The following ZSCAN29 variants were observed in gnomAD, a reference collection of about 807,000 sequenced individuals.
ZSCAN29 encodes the protein zinc finger and SCAN domain-containing protein 29.
A neutral mutation model predicts 71.9 loss-of-function variants in ZSCAN29; 55 were observed. That is an observed-to-expected ratio of 0.76 (90% CI 0.62 to 0.96). The LOEUF (loss-of-function observed/expected upper bound fraction) is 0.96, where lower values mean the gene tolerates loss of function less well. ZSCAN29 is among the 40% of genes least tolerant of loss of function. The probability of loss-of-function intolerance (pLI) is 0.00; values close to 1 mark genes in which losing one functional copy is unlikely to be tolerated. For missense variants in ZSCAN29, 1,042 were observed against 1,042.2 expected, an observed-to-expected ratio of 1.00 and a Z score of 0.00; for synonymous variants, 351 against 371.6, an observed-to-expected ratio of 0.94 and a Z score of 0.64.
chr15:43,369,561 A>C (rs2044077009), intron 2 of ZSCAN29, 35 bp downstream of exon 2: 1 of 1,588,438 alleles, frequency 6.3e-7, no homozygotes, highest in Non-Finnish European at 8.6e-7. Context: ...ACCCAGTATC[A>C]CACTTTTGAA....
intron 1 of ZSCAN29, 156 bp from the exon 2 acceptor site, chr15:43,370,181 T>G (rs2044088019): frequency 4.8e-6 from 2 of 415,652 alleles, no homozygotes; most frequent in South Asian, 3.4e-5. Context: ...TCTGGTTGAC[T>G]TCCAGGGCAG....
At chr15:43,364,535 CAGTAT>C (rs1566882975) in intron 4 of ZSCAN29, 153 bp from the exon 5 acceptor site, 1 of 761,812 alleles carries the variant, frequency 1.3e-6, no homozygotes, top group Admixed American at 2.0e-5. Context: ...TCCACAAACT[CAGTAT>C]AGAATGTTTT....
chr15:43,361,371 C>T lies in ZSCAN29; in HGVS notation c.2261G>A (p.Arg754Lys), dbSNP rs2043977261. 6.2e-7 allele frequency: 1 copy of T among 1,614,008 alleles called. No homozygotes were observed. The change falls in exon 6 of 6, where the codon AGA becomes AAA. Residue 754 changes from arginine to lysine, a missense_variant. Coordinates refer to ENST00000684362, the MANE Select transcript of ZSCAN29 (RefSeq NM_001372080.1). ...ATAGGGCTTTTCTCCTGTGTGGGTT[C>T]TCTGGTGAATGATAAGGCTTGAGCT... Reference protein sequence around the residue: ...NQSSSLIIHQRTHTGEKPYQC... With the variant: ...NQSSSLIIHQKTHTGEKPYQC...
rs778677754 is a variant in ZSCAN29 at position 43,366,404 on chromosome 15, G to T, written c.928C>A (p.Arg310=). The T allele has an allele frequency of 6.2e-7, 1 of 1,613,988 alleles. No individual in the cohort carries two copies. The highest frequency in any genetic ancestry group is 1.3e-5 in the African/African-American group (1 of 74,902). ...GGTGGGTGGCCGCTCTTGACTTTCC[G>T]ATAGCTCTTCTGGAGACCTTTGAAC... ...TKFKGLQKSY[R]KVKSGHPPET... is the part of the protein sequence containing the mutation. Residue 310 remains arginine, a synonymous_variant, in exon 4 of 6, where the codon CGG becomes AGG. Coordinates refer to ENST00000684362, the MANE Select transcript of ZSCAN29 (RefSeq NM_001372080.1).
intron 5 of ZSCAN29, among the ~76,000 whole-genome samples, chr15:43,362,656 T>C (rs1483847393): frequency 1.3e-5 from 2 of 152,216 alleles, no homozygotes; most frequent in African/African-American, 4.8e-5. Flanking sequence ...GAGACAGTAT[T>C]TCTACCCAGA....
Position 43,370,969 on chromosome 15 carries a change from ACCCTGACCCCGG to A in ZSCAN29, c.-536_-525del, listed in dbSNP as rs2044102193. On this transcript the variant is annotated 5_prime_UTR_variant, in exon 1 of 6. Transcript: ENST00000684362. ...GCCAGCCTCACCCACTCGGGGTCCG[ACCCTGACCCCGG>A]CCCCGGCCCCGGCCCCGGCCCCGGC... The A allele has an allele frequency of 6.5e-6, 1 of 153,778 alleles. No homozygotes were observed. Among genetic ancestry groups the A allele is most frequent in the Admixed American group, 9.8e-5 (1 of 10,172 alleles). The allele number at this position is 153,778 out of a possible 1,614,324, so 9.5% of individuals were successfully genotyped here. A position where few individuals can be genotyped will look rare whatever the true frequency, so the allele number is the denominator to read the frequency against.
At chr15:43,368,837 T>C in intron 3 of ZSCAN29, 86 bp downstream of exon 3, 1 of 1,277,846 alleles carries the variant, frequency 7.8e-7, no homozygotes, top group South Asian at 1.6e-5. Context: ...CACTTACTCC[T>C]GAAATCCCTT....
intron 3 of ZSCAN29, 67 bp from the exon 4 acceptor site, chr15:43,366,875 C>T (rs1202679117): frequency 1.4e-6 from 2 of 1,423,098 alleles, no homozygotes; most frequent in African/African-American, 1.4e-5. Flanking sequence ...TCTTGAAATT[C>T]AGTCCTGCCT....
chr15:43,364,209 T>C lies in ZSCAN29; in HGVS notation c.1396A>G (p.Lys466Glu). The change falls in exon 5 of 6, where the codon AAA (lysine) becomes GAA (glutamate). Residue 466 changes from lysine to glutamate, a missense_variant. Physicochemically the swap from Lys to Glu is moderately conservative, Grantham distance 56. Transcript: ENST00000684362. ...TTCCGATAGCTGGTTTGCAGGCTTT[T>C]AAACTTGGTCCGACACTGTTCTGGG... ...RTPEQCRTKF[K>E]SLQTSYRKVK... 1 of 1,614,202 alleles carries C rather than the reference T, an allele frequency of 6.2e-7. No individual in the cohort carries two copies.
At position 43,361,543 on chromosome 15, in the gene ZSCAN29, G is replaced by A. The variant is rs144818669; in HGVS notation, c.2089C>T (p.Arg697Trp). Residue 697 changes from arginine to tryptophan, a missense_variant, in exon 6 of 6, where the codon CGG becomes TGG. Transcript: ENST00000684362. ...GGTTTCTCTCCAGTGTGGATTCTCC[G>A]GTGTCTAATGAGTCGTGCACTCCGA... ...FSRSARLIRH[R>W]RIHTGEKPYK... 556 of 1,613,950 alleles carry A rather than the reference G, an allele frequency of 3.4e-4. 3 individuals are homozygous for A. In the African/African-American group the frequency reaches 6.5e-3, roughly 19 times the overall value.
chr15:43,361,338 T>A lies in ZSCAN29; in HGVS notation c.2294A>T (p.Glu765Val), dbSNP rs1244673966. 1.9e-6 allele frequency: 3 copies of A among 1,614,030 alleles called. No individual in the cohort carries two copies. The Admixed American group carries it at 5.0e-5, about 27-fold the overall frequency. Residue 765 changes from glutamate (E) to valine (V), a missense_variant, in exon 6 of 6, where the codon GAA becomes GTA. Glu to Val is a moderately radical substitution (Grantham distance 121). Transcript: ENST00000684362. ...GTTATTGAAGCTTTTTCCACACTCTTCACATTGATAGGGCTTTTCTCCTGT... is the reference window on the plus strand; with the variant it reads ...GTTATTGAAGCTTTTTCCACACTCTACACATTGATAGGGCTTTTCTCCTGT... The part of the protein sequence containing the change: ...THTGEKPYQC[E>V]ECGKSFNNSS...
At chr15:43,369,496 A>G in intron 2 of ZSCAN29, 100 bp downstream of exon 2, 1 of 1,336,800 alleles carries the variant, frequency 7.5e-7, no homozygotes, top group Non-Finnish European at 1.0e-6. Context: ...TATAAGCCTC[A>G]CCAAGGGAGA....
chr15:43,367,676 T>C (rs2044053455), intron 3 of ZSCAN29, among the ~76,000 whole-genome samples: 1 of 152,202 alleles, frequency 6.6e-6, no homozygotes, highest in South Asian at 2.1e-4. Context: ...CTCAATCATG[T>C]TTTTAAGTTC....
chr15:43,366,670 A>G lies in ZSCAN29; in HGVS notation c.662T>C (p.Leu221Ser), dbSNP rs1397641673. The part of the protein sequence containing the change: ...IGDRRVHADL[L>S]PSKKDRRSWV... ...GCTTCTTCTATCTTTCTTGGATGGTAACAGATCAGCATGCACTCGTCTGTC... is the reference window on the plus strand; with the variant it reads ...GCTTCTTCTATCTTTCTTGGATGGTGACAGATCAGCATGCACTCGTCTGTC... The change falls in exon 4 of 6, where the codon TTA becomes TCA. Residue 221 changes from leucine to serine, a missense_variant. Transcript: ENST00000684362. 3 of 1,614,194 alleles carry G rather than the reference A, an allele frequency of 1.9e-6. No individual in the cohort carries two copies. Among genetic ancestry groups the G allele is most frequent in the Non-Finnish European group, 2.5e-6 (3 of 1,180,030 alleles).
rs762961093 is a variant in ZSCAN29, at chr15:43,361,434, G to C, written c.2198C>G (p.Pro733Arg). 1.2e-6 allele frequency: 2 copies of C among 1,613,680 alleles called. No individual in the cohort carries two copies. Among genetic ancestry groups the C allele is most frequent in the East Asian group, 4.5e-5 (2 of 44,884 alleles). ...THRRIHTGEK[P>R]YQCGECGKCF... ...TTTCCCACACTCACCACATTGATAA[G>C]GTTTCTCTCCTGTGTGGATTCTCCT... Residue 733 changes from proline (P) to arginine (R), a missense_variant, in exon 6 of 6, where the codon CCT becomes CGT. Pro to Arg is a moderately radical substitution (Grantham distance 103, BLOSUM62 -2). Coordinates refer to ENST00000684362, the MANE Select transcript of ZSCAN29 (RefSeq NM_001372080.1).
At chr15:43,365,514 C>G (rs2044026935) in intron 4 of ZSCAN29, among the ~76,000 whole-genome samples, 1 of 152,164 alleles carries the variant, frequency 6.6e-6, no homozygotes, top group African/African-American at 2.4e-5. Context: ...GTAGTCCTAA[C>G]TACTCAGAAG....
rs1287443114 is a variant in ZSCAN29 at position 43,363,911 on chromosome 15, T to G, written c.1690+4A>C. On this transcript the variant is annotated splice_donor_region_variant and intron_variant, in intron 5 of 5. Coordinates refer to ENST00000684362, the MANE Select transcript of ZSCAN29 (RefSeq NM_001372080.1). Reference sequence around the variant, plus strand: ...TTTATACCATAATAGTGAAATAATCTTACCACGGGGGCTTTGGAATAACAC... The same window carrying G: ...TTTATACCATAATAGTGAAATAATCGTACCACGGGGGCTTTGGAATAACAC... 6.3e-7 allele frequency: 1 copy of G among 1,576,678 alleles called. No individual in the cohort carries two copies. Among genetic ancestry groups the G allele is most frequent in the Non-Finnish European group, 8.6e-7 (1 of 1,160,198 alleles).
chr15:43,364,419 C>T (rs903306300), intron 4 of ZSCAN29, 37 bp from the exon 5 acceptor site: 3 of 1,586,932 alleles, frequency 1.9e-6, no homozygotes, highest in Non-Finnish European at 2.6e-6. Flanking sequence ...CCACTTAATC[C>T]AGAGCTTTAG....
In ZSCAN29 at chr15:43,366,672, C is replaced by G; in HGVS notation, c.660G>C (p.Leu220=). ...TTCTTCTATCTTTCTTGGATGGTAA[C>G]AGATCAGCATGCACTCGTCTGTCTC... The part of the protein sequence containing the change: ...HIGDRRVHAD[L]LPSKKDRRSW... Residue 220 remains leucine (L), a synonymous_variant, in exon 4 of 6, where the codon CTG becomes CTC. Coordinates refer to ENST00000684362, the MANE Select transcript of ZSCAN29 (RefSeq NM_001372080.1). 1 of 1,614,238 alleles carries G rather than the reference C, an allele frequency of 6.2e-7. No individual in the cohort carries two copies. Among genetic ancestry groups the G allele is most frequent in the Non-Finnish European group, 8.5e-7 (1 of 1,180,040 alleles).
Sources: allele counts gnomAD v4.1 joint callset (sites outside exome capture counted in the v4.1 genomes callset), GRCh38; gene constraint gnomAD v4.1.1; transcripts MANE v1.5; gene names NCBI Gene and HGNC (gene_info 2026-07-23, HGNC 2026-07-21).